Variants in NDUFAF7 observed in about 807,000 individuals in gnomAD.
NDUFAF7 encodes protein arginine methyltransferase NDUFAF7, mitochondrial.
Under a neutral mutation model 47.2 loss-of-function variants are expected in NDUFAF7, and 48 were observed. That is an observed-to-expected ratio of 1.02 (90% CI 0.81 to 1.29). NDUFAF7 has a LOEUF of 1.29. NDUFAF7 is among the 50% of genes most tolerant of loss of function. The pLI is 0.00. For missense variants in NDUFAF7, 635 were observed against 537.6 expected (o/e 1.18, Z -1.79); for synonymous variants, 217 against 190.0 (o/e 1.14, Z -1.17).
intron 3 of NDUFAF7, among the ~76,000 whole-genome samples, chr2:37,236,413 CAA>C (rs1036163739): frequency 7.3e-5 from 11 of 151,044 alleles, no homozygotes; most frequent in African/African-American, 2.7e-4. Context: ...ATAAGAGGGA[CAA>C]AGAGAAAGAG....
intron 2 of NDUFAF7, among the ~76,000 whole-genome samples, chr2:37,235,127 G>T (rs557565424): frequency 6.4e-4 from 98 of 152,202 alleles, no homozygotes; most frequent in African/African-American, 2.2e-3. Flanking sequence ...TAGGTTGGAG[G>T]GCTGGAGGAG....
At chr2:37,235,995 ATAAT>A in intron 2 of NDUFAF7, 97 bp from the exon 3 acceptor site, 1 of 1,053,026 alleles carries the variant, frequency 9.5e-7, no homozygotes. Flanking sequence ...TTCTTACTAA[ATAAT>A]TATTTCACTT....
chr2:37,270,907 CATGG>C, the NDUFAF7 span, among the ~76,000 whole-genome samples: 1 of 152,194 alleles, frequency 6.6e-6, no homozygotes, highest in African/African-American at 2.4e-5. Context: ...TCCCCCATGA[CATGG>C]ATGGAGATAT....
downstream of NDUFAF7, among the ~76,000 whole-genome samples, chr2:37,253,840 G>GT (rs553993023): frequency 2.7e-4 from 41 of 152,200 alleles, no homozygotes; most frequent in African/African-American, 9.2e-4. Context: ...AATCTATAAA[G>GT]TAACTTTGGG....
downstream of NDUFAF7, chr2:37,253,319 A>G (rs1371028419): frequency 5.0e-6 from 8 of 1,612,820 alleles, no homozygotes; most frequent in Non-Finnish European, 6.8e-6. Flanking sequence ...GCGAGTTTCA[A>G]ATTCTCTAAG....
rs772961401 is a variant in NDUFAF7 at position 37,247,439 on chromosome 2, ATTTC to A, written c.937-13_937-10del. 1.3e-4 allele frequency: 215 copies of A among 1,613,898 alleles called. No homozygotes were observed. Among genetic ancestry groups the A allele is most frequent in the Middle Eastern group, 1.2e-3 (7 of 6,060 alleles). Reference sequence around the variant, plus strand: ...ATAACCATAAAAGGGCAAAAATCTGATTTCTTTATGTTCAAGGGGTTTTGCGACC... The same window carrying A: ...ATAACCATAAAAGGGCAAAAATCTGATTTATGTTCAAGGGGTTTTGCGACC... On this transcript the variant is annotated splice_polypyrimidine_tract_variant and intron_variant, in intron 8 of 9. Coordinates refer to ENST00000002125, the MANE Select transcript of NDUFAF7 (RefSeq NM_144736.5).
At chr2:37,257,401 C>T (rs1276375494), downstream of NDUFAF7, among the ~76,000 whole-genome samples, 3 of 152,156 alleles carry the variant, frequency 2.0e-5, no homozygotes, top group East Asian at 5.8e-4. Flanking sequence ...TGTGGTGGCT[C>T]ACACCTGTAA....
At chr2:37,233,350 C>T (rs1291492281) in intron 2 of NDUFAF7, among the ~76,000 whole-genome samples, 1 of 152,228 alleles carries the variant, frequency 6.6e-6, no homozygotes, top group African/African-American at 2.4e-5. Context: ...GCGTTCAGGG[C>T]CGGACGTGGC....
the NDUFAF7 span, chr2:37,269,715 T>C: frequency 6.7e-7 from 1 of 1,499,810 alleles, no homozygotes; most frequent in Non-Finnish European, 9.2e-7. Flanking sequence ...GGAGTTAGTA[T>C]TATTTATTTC....
At chr2:37,232,080 G>T in intron 1 of NDUFAF7, 26 bp from the exon 2 acceptor site, 2 of 1,614,168 alleles carry the variant, frequency 1.2e-6, no homozygotes, top group Non-Finnish European at 8.5e-7. Flanking sequence ...TTATCATGGG[G>T]TCTGTTTAAT....
the NDUFAF7 span, among the ~76,000 whole-genome samples, chr2:37,270,486 C>T: frequency 6.6e-6 from 1 of 152,040 alleles, no homozygotes; most frequent in South Asian, 2.1e-4. Context: ...TGCTCTTCGC[C>T]CCCTTCCCTT....
chr2:37,233,640 AGT>A lies in NDUFAF7; in HGVS notation c.216+1376_216+1377del, dbSNP rs1558487469. Among the ~76,000 whole-genome samples, 7 of 148,250 alleles carry A rather than the reference AGT, an allele frequency of 4.7e-5. 1 individual carries two copies. Among genetic ancestry groups the A allele is most frequent in the African/African-American group, 9.8e-5 (4 of 40,776 alleles). ...CTGTCTCAAAAAAAAAAAAAAAAAA[AGT>A]GAGCCTGGTGTTCAGAAGAAAGACT... On this transcript the variant is annotated intron_variant, in intron 2 of 9. Transcript: ENST00000002125.
In NDUFAF7 at chr2:37,237,854, G is replaced by C. The variant is rs751947102; in HGVS notation, c.395G>C (p.Gly132Ala). ...GGCCCAGGTAGGGGAACCCTCGTGG[G>C]AGATATTTTGAGGGTAGGTAATAAA... ...ELGPGRGTLV[G>A]DILRVFTQLG... is the part of the protein sequence containing the mutation. The change falls in exon 4 of 10, where the codon GGA becomes GCA. Residue 132 changes from glycine (G) to alanine (A), a missense_variant. By Grantham distance (60) the Gly-to-Ala change is moderately conservative. Transcript: ENST00000002125. 1 of 1,604,324 alleles carries C rather than the reference G, an allele frequency of 6.2e-7. No individual in the cohort carries two copies. The highest frequency in any genetic ancestry group is 1.3e-5 in the African/African-American group (1 of 74,696).
chr2:37,258,781 G>C, the NDUFAF7 span, among the ~76,000 whole-genome samples: 1 of 152,098 alleles, frequency 6.6e-6, no homozygotes, highest in Non-Finnish European at 1.5e-5. Flanking sequence ...TATTTGAAAA[G>C]ACAATTTGAG....
At position 37,231,988 on chromosome 2, in the gene NDUFAF7, C is replaced by G. The variant is rs1174562045; in HGVS notation, c.56-118C>G. 74 of 1,601,386 alleles carry G rather than the reference C, an allele frequency of 4.6e-5. No homozygotes were observed. In the South Asian group the frequency reaches 7.4e-4, roughly 16 times the overall value. On this transcript the variant is annotated intron_variant, in intron 1 of 9. Coordinates refer to ENST00000002125, the MANE Select transcript of NDUFAF7 (RefSeq NM_144736.5). ...TGGGCGTGCTAAGCACAGTAGCCCG[C>G]GGTCTGCGGTGGGGCGAGGTTAAGG...
Position 37,248,149 on chromosome 2 carries a change from A to C in NDUFAF7, c.1125A>C (p.Lys375Asn). 1 of 1,613,552 alleles carries C rather than the reference A, an allele frequency of 6.2e-7. No homozygotes were observed. The highest frequency in any genetic ancestry group is 8.5e-7 in the Non-Finnish European group (1 of 1,179,566). Reference protein sequence around the residue: ...IDVRLKVLLDKSNEPSVRQQL... With the variant: ...IDVRLKVLLDNSNEPSVRQQL... Reference sequence around the variant, plus strand: ...TTTCTTTTCAGGTTCTTTTAGATAAATCAAATGAGCCATCAGTGAGGCAGC... The same window carrying C: ...TTTCTTTTCAGGTTCTTTTAGATAACTCAAATGAGCCATCAGTGAGGCAGC... Residue 375 changes from lysine (K) to asparagine (N), a missense_variant, in exon 10 of 10, where the codon AAA (lysine) becomes AAC (asparagine). Lys to Asn is a moderately conservative substitution (Grantham distance 94, BLOSUM62 0). Transcript: ENST00000002125.
chr2:37,267,557 G>A, the NDUFAF7 span: 1 of 1,542,132 alleles, frequency 6.5e-7, no homozygotes. Context: ...AAAAAGAAGA[G>A]GAACGAATGA....
At chr2:37,257,671 GAAAAAAAAA>G (rs1164110574), downstream of NDUFAF7, among the ~76,000 whole-genome samples, 1 of 28,540 alleles carries the variant, frequency 3.5e-5, no homozygotes, top group African/African-American at 1.5e-4. Flanking sequence ...TGTCTCAAAA[GAAAAAAAAA>G]AAAAAAAAAA....
chr2:37,239,054 G>A (rs1345017057), intron 4 of NDUFAF7, among the ~76,000 whole-genome samples: 3 of 151,598 alleles, frequency 2.0e-5, no homozygotes, highest in African/African-American at 7.3e-5. Context: ...TGGATTTGTG[G>A]ATCAATGGCA....
Sources: allele counts gnomAD v4.1 joint callset (sites outside exome capture counted in the v4.1 genomes callset), GRCh38; gene constraint gnomAD v4.1.1; transcripts MANE v1.5; gene names NCBI Gene and HGNC (gene_info 2026-07-23, HGNC 2026-07-21).